Variants in MYO1D observed in about 807,000 individuals in gnomAD.
MYO1D encodes the protein unconventional myosin-Id.
Under a neutral mutation model 122.0 loss-of-function variants are expected in MYO1D, and 83 were observed. The observed-to-expected ratio is 0.68, with a 90% CI of 0.57 to 0.82. The LOEUF (loss-of-function observed/expected upper bound fraction) is 0.82. Among genes scored for constraint, MYO1D ranks in the 40% least tolerant of loss-of-function variants. MYO1D has a pLI of 0.00. For missense variants in MYO1D, 1,157 were observed against 1,269.5 expected (o/e 0.91, Z 1.35); for synonymous variants, 464 against 446.9 (o/e 1.04, Z -0.48).
intron 21 of MYO1D, among the ~76,000 whole-genome samples, chr17:32,547,036 A>G (rs1210200584): frequency 6.6e-6 from 1 of 151,364 alleles, no homozygotes; most frequent in African/African-American, 2.4e-5. Flanking sequence ...CAGCCTTCTG[A>G]GTAGCTGGAA....
chr17:32,594,857 A>G (rs935442237), intron 21 of MYO1D, among the ~76,000 whole-genome samples: 1 of 152,146 alleles, frequency 6.6e-6, no homozygotes, highest in African/African-American at 2.4e-5. Flanking sequence ...TTATTATGAA[A>G]CTGCTGATCT....
intron 21 of MYO1D, among the ~76,000 whole-genome samples, chr17:32,592,906 G>A (rs1385756696): frequency 2.0e-5 from 3 of 152,140 alleles, no homozygotes; most frequent in Admixed American, 6.6e-5. Context: ...TTCTTGCCCA[G>A]TACCGTATCA....
At chr17:32,828,122 A>G (rs2090738720) in intron 1 of MYO1D, among the ~76,000 whole-genome samples, 1 of 152,236 alleles carries the variant, frequency 6.6e-6, no homozygotes, top group Admixed American at 6.5e-5. Context: ...GAAGCCAGGG[A>G]TACTAATGGC....
chr17:32,768,322 C>T (rs367590013), intron 6 of MYO1D, among the ~76,000 whole-genome samples: 39 of 152,222 alleles, frequency 2.6e-4, no homozygotes, highest in African/African-American at 8.9e-4. Context: ...TCACTTGATA[C>T]GCATTTCACA....
intron 21 of MYO1D, among the ~76,000 whole-genome samples, chr17:32,597,469 G>A (rs2087506656): frequency 7.2e-6 from 1 of 139,130 alleles, no homozygotes; most frequent in African/African-American, 2.7e-5. Context: ...GATGGTATGT[G>A]TAGCATATCA....
chr17:32,712,432 T>C (rs2089390218), intron 15 of MYO1D, among the ~76,000 whole-genome samples: 1 of 152,178 alleles, frequency 6.6e-6, no homozygotes, highest in South Asian at 2.1e-4. Flanking sequence ...TACAGTCTAT[T>C]TGCCAAAATC....
At chr17:32,777,155 T>C (rs2090180812) in intron 3 of MYO1D, among the ~76,000 whole-genome samples, 1 of 152,064 alleles carries the variant, frequency 6.6e-6, no homozygotes, top group South Asian at 2.1e-4. Context: ...CTAAGGAAAT[T>C]AAGAAAATTT....
intron 21 of MYO1D, among the ~76,000 whole-genome samples, chr17:32,560,706 G>A (rs1193239199): frequency 2.0e-5 from 3 of 150,528 alleles, no homozygotes; most frequent in East Asian, 3.9e-4. Flanking sequence ...TGCAACCTCC[G>A]CCTCTCGGGT....
intron 21 of MYO1D, among the ~76,000 whole-genome samples, chr17:32,593,648 T>A (rs746558850): frequency 2.0e-5 from 3 of 152,194 alleles, no homozygotes; most frequent in Non-Finnish European, 4.4e-5. Context: ...AGAAAAGTTA[T>A]ATATATTGGC....
At chr17:32,598,798 A>T (rs112336255) in intron 21 of MYO1D, among the ~76,000 whole-genome samples, 8 of 152,362 alleles carry the variant, frequency 5.3e-5, no homozygotes, top group African/African-American at 1.9e-4. Flanking sequence ...AGTGTGATTT[A>T]AAAAGAACAT....
At chr17:32,817,907 A>G (rs557661505) in intron 1 of MYO1D, among the ~76,000 whole-genome samples, 1 of 151,798 alleles carries the variant, frequency 6.6e-6, no homozygotes, top group Admixed American at 6.6e-5. Context: ...CGGGCGGATC[A>G]CGAGGTCAGG....
At chr17:32,695,921 A>C (rs921371373) in intron 16 of MYO1D, among the ~76,000 whole-genome samples, 3 of 152,232 alleles carry the variant, frequency 2.0e-5, no homozygotes, top group Non-Finnish European at 2.9e-5. Context: ...AACCCTGAGC[A>C]CTGCTGAGAC....
intron 21 of MYO1D, among the ~76,000 whole-genome samples, chr17:32,602,975 A>G (rs1299486467): frequency 1.3e-5 from 2 of 152,204 alleles, no homozygotes; most frequent in African/African-American, 4.8e-5. Context: ...CTCTAAGTCA[A>G]AATTTCAAGC....
chr17:32,593,544 C>A (rs2087459702), intron 21 of MYO1D, among the ~76,000 whole-genome samples: 1 of 152,160 alleles, frequency 6.6e-6, no homozygotes, highest in Admixed American at 6.5e-5. Context: ...AATTTTTGTT[C>A]CTTTGTAAGA....
rs370547334 is a variant in MYO1D at position 32,671,875 on chromosome 17, G to A, written c.2122-12537C>T. 2.2e-4 allele frequency among the ~76,000 whole-genome samples: 34 copies of A among 152,310 alleles called. 2 individuals carry two copies. In the South Asian group the frequency reaches 4.4e-3, roughly 20 times the overall value. On this transcript the variant is annotated intron_variant, in intron 16 of 21. Transcript: ENST00000318217. ...GAAAAAGTTCAATAATATGGATCCCGTCTTTATTTAAAAGTTTGATCTTTT... is the reference window on the plus strand; with the variant it reads ...GAAAAAGTTCAATAATATGGATCCCATCTTTATTTAAAAGTTTGATCTTTT...
chr17:32,636,223 A>G (rs547103958), intron 20 of MYO1D, among the ~76,000 whole-genome samples: 1 of 152,318 alleles, frequency 6.6e-6, no homozygotes, highest in South Asian at 2.1e-4. Context: ...CTATCTATGG[A>G]AAGTATACTT....
chr17:32,568,516 C>A (rs560748062), intron 21 of MYO1D, among the ~76,000 whole-genome samples: 10 of 152,328 alleles, frequency 6.6e-5, no homozygotes, highest in African/African-American at 2.4e-4. Flanking sequence ...TATAACCTAT[C>A]AACCCCCTTT....
At chr17:32,624,963 G>T (rs1005755402) in intron 20 of MYO1D, among the ~76,000 whole-genome samples, 1 of 151,882 alleles carries the variant, frequency 6.6e-6, no homozygotes, top group Non-Finnish European at 1.5e-5. Flanking sequence ...GCTAATTTTT[G>T]TATTTTTAGT....
At position 32,765,065 on chromosome 17, in the gene MYO1D, A is replaced by G. The variant is rs1051559433; in HGVS notation, c.848T>C (p.Val283Ala). Residue 283 changes from valine (V) to alanine (A), a missense_variant, in exon 8 of 22, where the codon GTA (valine) becomes GCA (alanine). Physicochemically the swap from Val to Ala is moderately conservative, Grantham distance 64. Transcript: ENST00000318217. ...AILHLGNLKF[V>A]VDGDTPLIEN... is the part of the protein sequence containing the mutation. ...AATAAGAGGCGTGTCACCATCTACT[A>G]CAAATTTTAAATTTCCCTGTATCAA... 1.9e-6 allele frequency: 3 copies of G among 1,612,560 alleles called. No homozygotes were observed. The highest frequency in any genetic ancestry group is 2.5e-6 in the Non-Finnish European group (3 of 1,179,054).
Sources: gnomAD v4.1 joint callset for allele counts (sites outside exome capture counted in the v4.1 genomes callset) on GRCh38, gnomAD v4.1.1 for gene constraint, MANE v1.5 for transcripts, NCBI Gene and HGNC (gene_info 2026-07-23, HGNC 2026-07-21) for gene names.